DUSP22: variants seen among roughly 807,000 people sequenced by gnomAD.
DUSP22 encodes the protein dual specificity protein phosphatase 22.
A neutral mutation model predicts 24.5 loss-of-function variants in DUSP22; 24 were observed. That is an observed-to-expected ratio of 0.98 (90% CI 0.71 to 1.38). The LOEUF (loss-of-function observed/expected upper bound fraction) is 1.38, where lower values mean the gene tolerates loss of function less well. Ranked by LOEUF, DUSP22 falls within the 40% of genes most tolerant of loss-of-function variation. DUSP22 has a pLI of 0.00. For missense variants in DUSP22, 330 were observed against 269.2 expected (o/e 1.23, Z -1.58); for synonymous variants, 160 against 106.4 (o/e 1.50, Z -3.10).
At chr6:338,016 G>C (rs1433476356) in intron 4 of DUSP22, 3 of 152,530 alleles carry the variant, frequency 2.0e-5, no homozygotes, top group African/African-American at 7.2e-5. Flanking sequence ...ACTCTCCAGT[G>C]AAGCTACGAC....
At chr6:333,726 C>T (rs1759237815) in intron 3 of DUSP22, among the ~76,000 whole-genome samples, 1 of 152,302 alleles carries the variant, frequency 6.6e-6, no homozygotes, top group African/African-American at 2.4e-5. Context: ...CCCGAGCCAG[C>T]CCACCCCTGC....
intron 1 of DUSP22, among the ~76,000 whole-genome samples, chr6:302,794 G>A (rs570600819): frequency 3.8e-4 from 58 of 152,396 alleles, no homozygotes; most frequent in African/African-American, 9.1e-4. Flanking sequence ...GACTCTATTC[G>A]AGACCATCAC....
chr6:348,953 G>C lies in DUSP22; in HGVS notation c.*2G>C, dbSNP rs777172514. ...GATAATTATACGACGGAGACCTAAC[G>C]CAAGCGACCTGCTGCCTTCCTTCCC... On this transcript the variant is annotated 3_prime_UTR_variant, in exon 7 of 7. Coordinates refer to ENST00000419235, the MANE Select transcript of DUSP22 (RefSeq NM_001286555.3). 1.3e-6 allele frequency: 2 copies of C among 1,583,034 alleles called. No homozygotes were observed. Among genetic ancestry groups the C allele is most frequent in the African/African-American group, 1.3e-5 (1 of 74,210 alleles).
Position 325,443 on chromosome 6 carries a change from A to G in DUSP22, c.139-9671A>G, listed in dbSNP as rs763720605. Reference sequence around the variant, plus strand: ...GTGCTGTACCTGCTGGTGCCTGGAGAGTCATCTGCCCTGGGCTTCCGTATC... The same window carrying G: ...GTGCTGTACCTGCTGGTGCCTGGAGGGTCATCTGCCCTGGGCTTCCGTATC... On this transcript the variant is annotated intron_variant, in intron 3 of 6. Coordinates refer to ENST00000419235, the MANE Select transcript of DUSP22 (RefSeq NM_001286555.3). 9.3e-3 allele frequency: 1,896 copies of G among 204,728 alleles called. 2 individuals carry two copies. Among genetic ancestry groups the G allele is most frequent in the Non-Finnish European group, 0.012 (1,370 of 111,296 alleles). The allele number at this position is 204,728 out of a possible 1,614,324, so 12.7% of individuals were successfully genotyped here.
chr6:299,919 T>C (rs1191674224), intron 1 of DUSP22, among the ~76,000 whole-genome samples: 1 of 152,308 alleles, frequency 6.6e-6, no homozygotes, highest in African/African-American at 2.4e-5. Context: ...TTCTCTCTCC[T>C]TTCCTCTCAC....
intron 1 of DUSP22, among the ~76,000 whole-genome samples, chr6:304,070 A>C (rs1484269554): frequency 6.6e-6 from 1 of 152,298 alleles, no homozygotes. Context: ...GCAGTGAGCA[A>C]CAGGATTCGT....
intron 3 of DUSP22, among the ~76,000 whole-genome samples, chr6:329,820 G>A (rs1759060055): frequency 6.6e-6 from 1 of 152,306 alleles, no homozygotes. Context: ...CAATGAGAGA[G>A]TCTTCTGCTG....
intron 3 of DUSP22, among the ~76,000 whole-genome samples, chr6:324,762 A>G (rs1215443463): frequency 2.0e-5 from 3 of 152,304 alleles, no homozygotes; most frequent in African/African-American, 7.2e-5. Flanking sequence ...GCTGTTTAGA[A>G]AGGGCTTCCT....
chr6:301,476 T>C (rs1757576909), intron 1 of DUSP22, among the ~76,000 whole-genome samples: 1 of 152,300 alleles, frequency 6.6e-6, no homozygotes, highest in Non-Finnish European at 1.5e-5. Context: ...ATGTTTGGCC[T>C]TGATTTTTTA....
rs1201353761 is a variant in DUSP22 at position 295,439 on chromosome 6, A to AG, written c.21+2883dup. On this transcript the variant is annotated intron_variant, in intron 1 of 6. Transcript: ENST00000419235. ...ACGCAGCAGATTATACAGAAGATGG[A>AG]GGGGAAAAAGGCTTTTATATTCTAG... Among the ~76,000 whole-genome samples, 3 of 152,368 alleles carry AG rather than the reference A, an allele frequency of 2.0e-5. No homozygotes were observed. The East Asian group carries it at 5.8e-4, about 29-fold the overall frequency.
intron 5 of DUSP22, among the ~76,000 whole-genome samples, 157 bp from the exon 6 acceptor site, chr6:347,946 G>C (rs989874961): frequency 2.0e-5 from 3 of 152,424 alleles, no homozygotes; most frequent in Non-Finnish European, 2.9e-5. Context: ...GTTGAGTGCT[G>C]AGTGGCTTCC....
chr6:314,569 A>G (rs571382933), intron 3 of DUSP22, among the ~76,000 whole-genome samples: 1 of 152,416 alleles, frequency 6.6e-6, no homozygotes, highest in East Asian at 1.9e-4. Flanking sequence ...TAAGTGAGAG[A>G]GGGTATTCAT....
At chr6:344,753 A>C (rs1167527324) in intron 4 of DUSP22, among the ~76,000 whole-genome samples, 2 of 152,308 alleles carry the variant, frequency 1.3e-5, no homozygotes, top group African/African-American at 2.4e-5. Flanking sequence ...CCATTTCCCC[A>C]CAGCTCTCCA....
At chr6:322,796 GTC>G (rs1196898242) in intron 3 of DUSP22, among the ~76,000 whole-genome samples, 30 of 143,038 alleles carry the variant, frequency 2.1e-4, no homozygotes, top group Non-Finnish European at 3.1e-4. Context: ...AGGACATCTA[GTC>G]CAGGGAGATT....
chr6:340,947 C>T (rs1192870170), intron 4 of DUSP22, among the ~76,000 whole-genome samples: 1 of 152,136 alleles, frequency 6.6e-6, no homozygotes, highest in Non-Finnish European at 1.5e-5. Flanking sequence ...ACCATCTTTT[C>T]TTAGACTCTC....
intron 1 of DUSP22, among the ~76,000 whole-genome samples, chr6:304,147 A>T (rs865855602): frequency 6.6e-6 from 1 of 152,310 alleles, no homozygotes; most frequent in Non-Finnish European, 1.5e-5. Flanking sequence ...TCGCAGCAGC[A>T]TCGCCACACA....
At chr6:337,595 T>G (rs894531213) in intron 4 of DUSP22, among the ~76,000 whole-genome samples, 4 of 152,306 alleles carry the variant, frequency 2.6e-5, no homozygotes, top group Non-Finnish European at 5.9e-5. Flanking sequence ...CCAGTCACCT[T>G]TGGTGCTGAA....
At chr6:294,662 G>A (rs1757245729) in intron 1 of DUSP22, among the ~76,000 whole-genome samples, 1 of 152,278 alleles carries the variant, frequency 6.6e-6, no homozygotes. Context: ...AACCTTCAAA[G>A]TCTAGTGTGT....
intron 4 of DUSP22, among the ~76,000 whole-genome samples, chr6:340,070 T>C (rs1759535517): frequency 6.6e-6 from 1 of 152,304 alleles, no homozygotes; most frequent in African/African-American, 2.4e-5. Flanking sequence ...TCCTTCTTTT[T>C]GTTGTTGAAA....
Sources: gnomAD v4.1 joint callset for allele counts (sites outside exome capture counted in the v4.1 genomes callset) on GRCh38, gnomAD v4.1.1 for gene constraint, MANE v1.5 for transcripts, NCBI Gene and HGNC (gene_info 2026-07-23, HGNC 2026-07-21) for gene names.